The following TSKS variants were observed in gnomAD, a reference collection of about 807,000 sequenced individuals.
The protein encoded by TSKS is testis specific serine kinase substrate.
Under a neutral mutation model 68.0 loss-of-function variants are expected in TSKS, and 27 were observed. The observed-to-expected ratio is 0.40, with a 90% CI of 0.29 to 0.55. The LOEUF is 0.55. Ranked by LOEUF, TSKS falls within the 20% of genes least tolerant of loss-of-function variation. The probability of loss-of-function intolerance (pLI) is 0.53; values close to 1 mark genes in which losing one functional copy is unlikely to be tolerated. For missense variants in TSKS, 806 were observed against 776.0 expected, an observed-to-expected ratio of 1.04 and a Z score of -0.46; for synonymous variants, 331 against 340.4, an observed-to-expected ratio of 0.97 and a Z score of 0.30.
At chr19:49,750,536 C>T (rs965696488) in intron 2 of TSKS, among the ~76,000 whole-genome samples, 2 of 152,046 alleles carry the variant, frequency 1.3e-5, no homozygotes, top group Non-Finnish European at 2.9e-5. Flanking sequence ...GGATTACAGG[C>T]GTAAGCCACC....
At position 49,740,099 on chromosome 19, in the gene TSKS, G is replaced by A. The variant is rs746778316; in HGVS notation, c.1582C>T (p.Arg528Trp). 8 of 1,614,098 alleles carry A rather than the reference G, an allele frequency of 5.0e-6. No individual in the cohort carries two copies. The Admixed American group carries it at 5.0e-5, about 10-fold the overall frequency. The change falls in exon 10 of 11, where the codon CGG becomes TGG. Residue 528 changes from arginine to tryptophan, a missense_variant. Transcript: ENST00000246801. ...TCTGTCAGCAGTAGGTTCTTGGCCCGCAGGGCCTCGTCTTGGGCCAGCCGA... is the reference window on the plus strand; with the variant it reads ...TCTGTCAGCAGTAGGTTCTTGGCCCACAGGGCCTCGTCTTGGGCCAGCCGA... Reference protein sequence around the residue: ...TLRLAQDEALRAKNLLLTDKM... With the variant: ...TLRLAQDEALWAKNLLLTDKM...
At chr19:49,745,847 A>G (rs2123606000) in intron 6 of TSKS, among the ~76,000 whole-genome samples, 2 of 151,742 alleles carry the variant, frequency 1.3e-5, no homozygotes, top group South Asian at 4.2e-4. Flanking sequence ...CCTTCGGGGC[A>G]CTCCCTCCTC....
chr19:49,746,386 C>G (rs1452021868), intron 6 of TSKS, 84 bp downstream of exon 6: 2 of 1,525,526 alleles, frequency 1.3e-6, no homozygotes, highest in Non-Finnish European at 1.8e-6. Flanking sequence ...TCCCTTGGGT[C>G]CCGCCCACCG....
In TSKS at chr19:49,755,505, G is replaced by A. The variant is rs543516484; in HGVS notation, c.399+6499C>T. Among the ~76,000 whole-genome samples, 54 of 152,128 alleles carry A rather than the reference G, an allele frequency of 3.5e-4. 2 individuals are homozygous for A. In the South Asian group the frequency reaches 0.011, roughly 31 times the overall value. On this transcript the variant is annotated intron_variant, in intron 2 of 10. Coordinates refer to ENST00000246801, the MANE Select transcript of TSKS (RefSeq NM_021733.2). ...AGACCAAGAGCTCAAGACCAGCCTG[G>A]CCAACATAGCAAAACCCTGTCTCAT...
intron 2 of TSKS, among the ~76,000 whole-genome samples, chr19:49,758,035 C>T (rs2123628375): frequency 6.6e-6 from 1 of 151,392 alleles, no homozygotes; most frequent in Non-Finnish European, 1.5e-5. Context: ...GGATTACAGG[C>T]ATGTGCCCCC....
chr19:49,742,415 C>T (rs990337021), intron 8 of TSKS, among the ~76,000 whole-genome samples: 1 of 151,438 alleles, frequency 6.6e-6, no homozygotes, highest in African/African-American at 2.4e-5. Context: ...CCAGGATGGT[C>T]TTGATCTCCT....
intron 2 of TSKS, among the ~76,000 whole-genome samples, chr19:49,756,369 G>A (rs564435075): frequency 6.6e-6 from 1 of 152,186 alleles, no homozygotes; most frequent in South Asian, 2.1e-4. Context: ...TGAGGTGGGA[G>A]GACTGTTTGA....
intron 2 of TSKS, among the ~76,000 whole-genome samples, chr19:49,750,666 T>A (rs2084342546): frequency 6.6e-6 from 1 of 152,076 alleles, no homozygotes. Flanking sequence ...CACTGGTCGA[T>A]GTGTGGAAAA....
chr19:49,745,396 C>T lies in TSKS; in HGVS notation c.993G>A (p.Arg331=), dbSNP rs764473772. The stretch of plus-strand genomic sequence containing the variant: ...GGGCGGTCAGTGAGGACACCTCTCT[C>T]CTGGAGGGGCAGAGGAGGGGAATGG... ...QKLFTGIEEL[R]REVSSLTARW... The change falls in exon 7 of 11, where the codon AGG becomes AGA. Residue 331 remains arginine (R), a splice_region_variant and synonymous_variant. Coordinates refer to ENST00000246801, the MANE Select transcript of TSKS (RefSeq NM_021733.2). The T allele has an allele frequency of 1.3e-6, 2 of 1,547,154 alleles. No homozygotes were observed. Among genetic ancestry groups the T allele is most frequent in the Non-Finnish European group, 1.7e-6 (2 of 1,148,840 alleles).
intron 2 of TSKS, among the ~76,000 whole-genome samples, chr19:49,752,682 G>T (rs1252013712): frequency 6.6e-6 from 1 of 152,200 alleles, no homozygotes; most frequent in African/African-American, 2.4e-5. Flanking sequence ...CGAAGGCAAT[G>T]GATAACAGTT....
chr19:49,740,115 G>C lies in TSKS; in HGVS notation c.1566C>G (p.Ala522=), dbSNP rs1360986320. 6.2e-7 allele frequency: 1 copy of C among 1,614,158 alleles called. No homozygotes were observed. Among genetic ancestry groups the C allele is most frequent in the Non-Finnish European group, 8.5e-7 (1 of 1,180,036 alleles). ...TCTTGGCCCGCAGGGCCTCGTCTTG[G>C]GCCAGCCGAAGGGTGGAGCTCAGGG... is the stretch of plus-strand genomic sequence containing the variant. ...AEALSSTLRL[A]QDEALRAKNL... is the part of the protein sequence containing the mutation. Residue 522 remains alanine (A), a synonymous_variant, in exon 10 of 11, where the codon GCC becomes GCG. Coordinates refer to ENST00000246801, the MANE Select transcript of TSKS (RefSeq NM_021733.2).
chr19:49,748,524 G>C, intron 2 of TSKS, 55 bp from the exon 3 acceptor site: 1 of 1,535,996 alleles, frequency 6.5e-7, no homozygotes, highest in Non-Finnish European at 8.9e-7. Context: ...CAAGCCCCAA[G>C]CCCAGGAAGA....
chr19:49,741,339 C>T (rs2084250418), intron 9 of TSKS, among the ~76,000 whole-genome samples: 1 of 152,170 alleles, frequency 6.6e-6, no homozygotes, highest in African/African-American at 2.4e-5. Context: ...CAACATAATC[C>T]TATAGTACAT....
chr19:49,747,270 C>A (rs2084311112), intron 5 of TSKS, 119 bp downstream of exon 5: 2 of 1,586,848 alleles, frequency 1.3e-6, no homozygotes, highest in East Asian at 4.5e-5. Flanking sequence ...TGACTATGTG[C>A]ACGAAGGTGC....
In TSKS at chr19:49,739,806, TGG is replaced by T; in HGVS notation, c.1747_1748del (p.Pro583LysfsTer8). Reference sequence around the variant, plus strand: ...GTTCAGGGGCTGAGCCCCCCTGTTTTGGGGGGGTTCCTGCACTGCTGCCTCCC... The same window carrying T: ...GTTCAGGGGCTGAGCCCCCCTGTTTTGGGGGTTCCTGCACTGCTGCCTCCC... Reference protein sequence around the residue: ...MGGGSSAGTPPKQGGSAPEQ With the variant: ...MGGGSSAGTPXKQGGSAPEQ On this transcript the variant is annotated frameshift_variant, in exon 11 of 11. Transcript: ENST00000246801. LOFTEE classifies it high-confidence loss of function. 6.4e-7 allele frequency: 1 copy of T among 1,560,548 alleles called. No individual in the cohort carries two copies. Among genetic ancestry groups the T allele is most frequent in the Non-Finnish European group, 8.8e-7 (1 of 1,132,650 alleles).
Position 49,746,803 on chromosome 19 carries a change from G to T in TSKS, c.664-5C>A. The T allele has an allele frequency of 6.3e-7, 1 of 1,597,818 alleles. No homozygotes were observed. The highest frequency in any genetic ancestry group is 8.5e-7 in the Non-Finnish European group (1 of 1,179,018). ...CTGGAGGTAGCGCAGCTTCTCCTGG[G>T]TGGTAAGGGAGGACGGGGTCACAGC... On this transcript the variant is annotated splice_polypyrimidine_tract_variant and splice_region_variant and intron_variant, in intron 5 of 10. Transcript: ENST00000246801.
At chr19:49,754,896 A>G (rs2084381212) in intron 2 of TSKS, among the ~76,000 whole-genome samples, 1 of 152,022 alleles carries the variant, frequency 6.6e-6, no homozygotes, top group South Asian at 2.1e-4. Flanking sequence ...TCAAGAGATC[A>G]AGAACATCCT....
At chr19:49,750,562 T>C (rs927620112) in intron 2 of TSKS, among the ~76,000 whole-genome samples, 6 of 152,118 alleles carry the variant, frequency 3.9e-5, no homozygotes, top group African/African-American at 1.4e-4. Flanking sequence ...CGGCCTATCA[T>C]TGACATTCTT....
At chr19:49,757,505 C>G (rs2084401520) in intron 2 of TSKS, among the ~76,000 whole-genome samples, 1 of 152,192 alleles carries the variant, frequency 6.6e-6, no homozygotes, top group African/African-American at 2.4e-5. Context: ...GCAACAGGAC[C>G]TAGGGCCAAC....
Sources: gnomAD v4.1 joint callset for allele counts (sites outside exome capture counted in the v4.1 genomes callset) on GRCh38, gnomAD v4.1.1 for gene constraint, MANE v1.5 for transcripts, NCBI Gene and HGNC (gene_info 2026-07-23, HGNC 2026-07-21) for gene names.